The following BMPR1A variants were observed in gnomAD, a reference collection of about 807,000 sequenced individuals.
The protein encoded by BMPR1A is bone morphogenetic protein receptor type 1A.
BMPR1A carries 7 observed loss-of-function variants against 66.0 expected under a neutral mutation model. That is an observed-to-expected ratio of 0.11 (90% CI 0.06 to 0.20). The LOEUF is 0.20. Among genes scored for constraint, BMPR1A ranks in the 10% least tolerant of loss-of-function variants. The pLI is 1.00. For synonymous variants in BMPR1A, 200 were observed against 229.7 expected (o/e 0.87, Z 1.17); for missense variants, 408 against 669.1 (o/e 0.61, Z 4.31).
intron 2 of BMPR1A, among the ~76,000 whole-genome samples, chr10:86,844,581 A>G (rs1842461472): frequency 6.6e-6 from 1 of 152,224 alleles, no homozygotes; most frequent in African/African-American, 2.4e-5. Context: ...ATTCTTATCA[A>G]CTGTTAACTG....
intron 7 of BMPR1A, among the ~76,000 whole-genome samples, chr10:86,901,753 A>G (rs886928740): frequency 1.3e-5 from 2 of 152,228 alleles, no homozygotes; most frequent in African/African-American, 4.8e-5. Flanking sequence ...TTTGCCAGTA[A>G]GACAGGTGAT....
chr10:86,823,968 AAT>A (rs2133027184), intron 1 of BMPR1A, among the ~76,000 whole-genome samples: 1 of 152,166 alleles, frequency 6.6e-6, no homozygotes, highest in African/African-American at 2.4e-5. Flanking sequence ...TTTAAATTTG[AAT>A]ATCTTTATGT....
chr10:86,780,474 G>T (rs754811867), intron 1 of BMPR1A, among the ~76,000 whole-genome samples: 4 of 151,564 alleles, frequency 2.6e-5, no homozygotes, highest in Non-Finnish European at 5.9e-5. Flanking sequence ...TTGCTCTGTC[G>T]CTCAGGCTGG....
At chr10:86,807,326 A>C (rs532287737) in intron 1 of BMPR1A, among the ~76,000 whole-genome samples, 1 of 152,206 alleles carries the variant, frequency 6.6e-6, no homozygotes, top group South Asian at 2.1e-4. Context: ...TAATTTAAAA[A>C]AATTGAAGTA....
At chr10:86,855,805 T>A (rs1170428580) in intron 2 of BMPR1A, 1 of 1,125,302 alleles carries the variant, frequency 8.9e-7, no homozygotes, top group Non-Finnish European at 1.3e-6. Flanking sequence ...GTCTGTTTCC[T>A]GGTAGAATGG....
At chr10:86,909,016 C>G (rs1843438090) in intron 7 of BMPR1A, among the ~76,000 whole-genome samples, 2 of 152,134 alleles carry the variant, frequency 1.3e-5, no homozygotes, top group African/African-American at 2.4e-5. Flanking sequence ...TGCCTGTGCT[C>G]TGGGGCAGGG....
chr10:86,756,712 G>C lies in BMPR1A; in HGVS notation c.-475G>C, dbSNP rs568706417. ...AAGGGAGGAGGCAGGAGCGAGGAGG[G>C]AGGAGGGCCAAGGGCGGGCAGGAAG... On this transcript the variant is annotated 5_prime_UTR_variant, in exon 1 of 13. Transcript: ENST00000372037. 3 of 151,974 alleles carry C rather than the reference G, an allele frequency of 2.0e-5. No homozygotes were observed. Among genetic ancestry groups the C allele is most frequent in the East Asian group, 1.9e-4 (1 of 5,176 alleles). 9.4% of individuals were successfully genotyped at this position (151,974 alleles called of 1,614,324 possible). A position where few individuals can be genotyped will look rare whatever the true frequency, so the allele number is the denominator to read the frequency against.
chr10:86,797,151 G>A (rs1161039746), intron 1 of BMPR1A, among the ~76,000 whole-genome samples: 9 of 142,854 alleles, frequency 6.3e-5, no homozygotes, highest in South Asian at 2.2e-4. Context: ...TGCAGCCTCC[G>A]CCTCCCAAGT....
chr10:86,791,939 A>G (rs1415081612), intron 1 of BMPR1A, among the ~76,000 whole-genome samples: 1 of 145,384 alleles, frequency 6.9e-6, no homozygotes, highest in Non-Finnish European at 1.5e-5. Flanking sequence ...GGCTGGTCTC[A>G]AACTCCTGAC....
intron 1 of BMPR1A, among the ~76,000 whole-genome samples, chr10:86,773,616 AAC>A (rs1257811288): frequency 3.4e-5 from 5 of 145,510 alleles, no homozygotes; most frequent in African/African-American, 1.1e-4. Flanking sequence ...AAAAAAAAAA[AAC>A]ACAACACCAG....
chr10:86,781,485 C>T (rs1362305935), intron 1 of BMPR1A, among the ~76,000 whole-genome samples: 1 of 152,080 alleles, frequency 6.6e-6, no homozygotes, highest in Non-Finnish European at 1.5e-5. Flanking sequence ...ACTTTTTGCT[C>T]AGGGTTGCTT....
chr10:86,814,430 C>T (rs1842007872), intron 1 of BMPR1A, among the ~76,000 whole-genome samples: 1 of 152,014 alleles, frequency 6.6e-6, no homozygotes, highest in Non-Finnish European at 1.5e-5. Context: ...CCTATTATTT[C>T]ATCATTTCGT....
chr10:86,859,927 T>C (rs1473473973), intron 2 of BMPR1A, among the ~76,000 whole-genome samples: 2 of 152,218 alleles, frequency 1.3e-5, no homozygotes, highest in Admixed American at 6.5e-5. Context: ...GCCTACAGTT[T>C]TATCAGCCCA....
At chr10:86,906,081 A>G (rs963924394) in intron 7 of BMPR1A, among the ~76,000 whole-genome samples, 3 of 152,102 alleles carry the variant, frequency 2.0e-5, no homozygotes, top group Admixed American at 6.5e-5. Context: ...AAGTCCTCTC[A>G]GCTTTTGTCT....
At chr10:86,776,133 G>C (rs1841344484) in intron 1 of BMPR1A, among the ~76,000 whole-genome samples, 1 of 152,146 alleles carries the variant, frequency 6.6e-6, no homozygotes, top group Non-Finnish European at 1.5e-5. Flanking sequence ...CGTAAGACTT[G>C]TGAAGGAAAA....
rs929042482 is a variant in BMPR1A at position 86,917,130 on chromosome 10, A to G, written c.676-4A>G. The stretch of plus-strand genomic sequence containing the variant: ...GCTCAAACCTTTTACTTTTTTCTAT[A>G]AAGGTTCAGCGAACTATTGCCAAAC... On this transcript the variant is annotated splice_region_variant and splice_polypyrimidine_tract_variant and intron_variant, in intron 8 of 12. Transcript: ENST00000372037. The G allele has an allele frequency of 3.1e-6, 5 of 1,613,924 alleles. No homozygotes were observed. The African/African-American group carries it at 4.0e-5, about 13-fold the overall frequency.
At chr10:86,799,112 C>T (rs1841769968) in intron 1 of BMPR1A, among the ~76,000 whole-genome samples, 1 of 152,060 alleles carries the variant, frequency 6.6e-6, no homozygotes, top group Admixed American at 6.5e-5. Flanking sequence ...AAAGTTTTAG[C>T]TGTTTTTTTC....
At chr10:86,863,415 T>C (rs1430152879) in intron 2 of BMPR1A, among the ~76,000 whole-genome samples, 1 of 152,216 alleles carries the variant, frequency 6.6e-6, no homozygotes, top group Admixed American at 6.5e-5. Flanking sequence ...AATACTCAAG[T>C]GTGCCTTTCC....
In BMPR1A at chr10:86,820,346, C is replaced by T. The variant is rs537983872; in HGVS notation, c.-267-18519C>T. Reference sequence around the variant, plus strand: ...GCATGAGCCACTGCACCCAGAATCACCTTTTTTTAGTTTGGAAGATGACAT... The same window carrying T: ...GCATGAGCCACTGCACCCAGAATCATCTTTTTTTAGTTTGGAAGATGACAT... On this transcript the variant is annotated intron_variant, in intron 1 of 12. Coordinates refer to ENST00000372037, the MANE Select transcript of BMPR1A (RefSeq NM_004329.3). Among the ~76,000 whole-genome samples, 23 of 152,004 alleles carry T rather than the reference C, an allele frequency of 1.5e-4. 1 individual carries two copies. The highest frequency in any genetic ancestry group is 1.8e-4 in the Non-Finnish European group (12 of 67,968).
Sources: gnomAD v4.1 joint callset for allele counts (sites outside exome capture counted in the v4.1 genomes callset) on GRCh38, gnomAD v4.1.1 for gene constraint, MANE v1.5 for transcripts, NCBI Gene and HGNC (gene_info 2026-07-23, HGNC 2026-07-21) for gene names.